SSPN: variants seen among roughly 807,000 people sequenced by gnomAD.
SSPN encodes sarcospan.
Under a neutral mutation model 19.1 loss-of-function variants are expected in SSPN, and 15 were observed. That is an observed-to-expected ratio of 0.78 (90% confidence interval 0.52 to 1.21). The LOEUF is 1.21. Among genes scored for constraint, SSPN ranks in the 50% most tolerant of loss-of-function variants. SSPN has a pLI of 0.00. For synonymous variants in SSPN, 147 were observed against 140.3 expected (o/e 1.05, Z -0.34); for missense variants, 291 against 314.0 (o/e 0.93, Z 0.55).
chr12:26,146,812 G>C (rs1292008055), intron 1 of SSPN, among the ~76,000 whole-genome samples: 1 of 15,172 alleles, frequency 6.6e-5, no homozygotes, highest in Non-Finnish European at 2.2e-3. Flanking sequence ...ACAGAGCAAG[G>C]CTGTCTAAAA....
intron 1 of SSPN, among the ~76,000 whole-genome samples, chr12:26,179,410 T>C (rs1591864046): frequency 6.6e-6 from 1 of 152,084 alleles, no homozygotes; most frequent in East Asian, 1.9e-4. Context: ...GGATTTGACC[T>C]CTCCTGTTTT....
intron 1 of SSPN, among the ~76,000 whole-genome samples, chr12:26,140,998 A>G (rs1944457472): frequency 6.6e-6 from 1 of 152,188 alleles, no homozygotes; most frequent in Non-Finnish European, 1.5e-5. Context: ...TTTCAGTTAG[A>G]TCAAAGTCCA....
intron 1 of SSPN, among the ~76,000 whole-genome samples, chr12:26,201,670 T>G (rs1944887292): frequency 6.6e-6 from 1 of 152,150 alleles, no homozygotes; most frequent in Non-Finnish European, 1.5e-5. Context: ...TGTGGATATA[T>G]TCAACTCAGA....
chr12:26,144,214 A>G (rs1391513938), intron 1 of SSPN, among the ~76,000 whole-genome samples: 1 of 152,236 alleles, frequency 6.6e-6, no homozygotes, highest in Non-Finnish European at 1.5e-5. Context: ...CCTTAAAACA[A>G]AGACTTGCTG....
chr12:26,204,244 G>A (rs528182210), intron 1 of SSPN, among the ~76,000 whole-genome samples: 5 of 152,170 alleles, frequency 3.3e-5, no homozygotes, highest in Non-Finnish European at 7.4e-5. Context: ...GAGGTACGAT[G>A]GGGTGGCGCG....
At chr12:26,187,904 A>C (rs573677275) in intron 1 of SSPN, among the ~76,000 whole-genome samples, 16 of 152,336 alleles carry the variant, frequency 1.1e-4, no homozygotes, top group African/African-American at 3.8e-4. Context: ...AGGGTATAAG[A>C]AGAGAAAGAA....
chr12:26,128,924 G>A (rs1440897787), intron 1 of SSPN, among the ~76,000 whole-genome samples: 1 of 152,124 alleles, frequency 6.6e-6, no homozygotes, highest in Non-Finnish European at 1.5e-5. Flanking sequence ...CCTAAGTCCT[G>A]CACTCATTAT....
At chr12:26,205,097 G>A (rs1275137845) in intron 1 of SSPN, among the ~76,000 whole-genome samples, 1 of 152,172 alleles carries the variant, frequency 6.6e-6, no homozygotes, top group African/African-American at 2.4e-5. Context: ...TCACAAATGA[G>A]CATTCTCAGA....
At chr12:26,123,263 C>G in intron 1 of SSPN, 1 of 1,423,242 alleles carries the variant, frequency 7.0e-7, no homozygotes, top group Non-Finnish European at 9.3e-7. Context: ...GTGGGCCCTG[C>G]ATCGACTAAA....
At chr12:26,162,660 G>A (rs1427586593) in intron 1 of SSPN, among the ~76,000 whole-genome samples, 1 of 152,020 alleles carries the variant, frequency 6.6e-6, no homozygotes, top group African/African-American at 2.4e-5. Flanking sequence ...TTCAAAACAC[G>A]GCATGCAAAT....
chr12:26,148,902 G>T (rs1361212380), intron 1 of SSPN, among the ~76,000 whole-genome samples: 3 of 152,202 alleles, frequency 2.0e-5, no homozygotes, highest in African/African-American at 4.8e-5. Flanking sequence ...GATGTGCTAG[G>T]TGCCTCCCCC....
chr12:26,137,652 ATATATTTTTTTTTTT>A (rs1208400927), intron 1 of SSPN, among the ~76,000 whole-genome samples: 1 of 51,652 alleles, frequency 1.9e-5, no homozygotes, highest in African/African-American at 8.7e-5. Context: ...ATATATATAT[ATATATTTTTTTTTTT>A]TTTTTTTTTT....
intron 1 of SSPN, among the ~76,000 whole-genome samples, chr12:26,219,854 G>T (rs1284201381): frequency 6.6e-6 from 1 of 152,140 alleles, no homozygotes; most frequent in Non-Finnish European, 1.5e-5. Context: ...ACCACCATCT[G>T]GGTGTCTGGT....
At chr12:26,215,349 C>G (rs1412976013) in intron 1 of SSPN, among the ~76,000 whole-genome samples, 1 of 152,136 alleles carries the variant, frequency 6.6e-6, no homozygotes, top group African/African-American at 2.4e-5. Context: ...GGATTCCAAG[C>G]AATTAGTAAT....
At chr12:26,156,187 C>T (rs1300957978) in intron 1 of SSPN, among the ~76,000 whole-genome samples, 4 of 152,106 alleles carry the variant, frequency 2.6e-5, no homozygotes, top group Admixed American at 2.6e-4. Flanking sequence ...ACCAGAACTC[C>T]GTGAAGTAGA....
rs192802874 is a variant in SSPN, at chr12:26,146,716, G to C, written c.-31+24564G>C. Among the ~76,000 whole-genome samples, 5 of 151,100 alleles carry C rather than the reference G, an allele frequency of 3.3e-5. No homozygotes were observed. In the Admixed American group the frequency reaches 3.3e-4, roughly 10 times the overall value. ...CATAGGCCTGTAATTTCAGCTACTT[G>C]GGAGGCTGAAGCAAGAGAATTGCTT... On this transcript the variant is annotated intron_variant, in intron 1 of 2. Coordinates refer to the SSPN transcript ENST00000538142.
intron 1 of SSPN, among the ~76,000 whole-genome samples, chr12:26,144,814 A>G (rs1340542940): frequency 6.6e-6 from 1 of 152,218 alleles, no homozygotes; most frequent in East Asian, 1.9e-4. Context: ...TGGATTATCT[A>G]CTAAATCTTT....
chr12:26,162,050 G>C (rs990805145), intron 1 of SSPN, among the ~76,000 whole-genome samples: 1 of 152,124 alleles, frequency 6.6e-6, no homozygotes, highest in African/African-American at 2.4e-5. Flanking sequence ...CCATATTATT[G>C]AATGAGGAAG....
upstream of SSPN, among the ~76,000 whole-genome samples, chr12:26,193,400 A>G (rs1182591552): frequency 6.6e-6 from 1 of 152,226 alleles, no homozygotes; most frequent in Non-Finnish European, 1.5e-5. Flanking sequence ...AACTATAATT[A>G]TAAGGTGGTT....
Sources: allele counts gnomAD v4.1 joint callset (sites outside exome capture counted in the v4.1 genomes callset), GRCh38; gene constraint gnomAD v4.1.1; transcripts MANE v1.5; gene names NCBI Gene and HGNC (gene_info 2026-07-23, HGNC 2026-07-21).